The following ZBTB41 variants were observed in gnomAD, a reference collection of about 807,000 sequenced individuals.
ZBTB41 encodes the protein zinc finger and BTB domain-containing protein 41.
In ZBTB41, 42 loss-of-function variants were observed where a neutral mutation model predicts 87.6. The observed-to-expected ratio is 0.48, with a 90% CI of 0.37 to 0.62. ZBTB41 has a LOEUF of 0.62. ZBTB41 is among the 20% of genes least tolerant of loss of function. The pLI is 0.00. For missense variants in ZBTB41, 799 were observed against 1,078.9 expected (o/e 0.74, Z 3.63); for synonymous variants, 364 against 364.0 (o/e 1.00, Z 0.00).
chr1:197,197,613 A>T lies in ZBTB41; in HGVS notation c.1120+1741T>A, dbSNP rs147455338. Reference sequence around the variant, plus strand: ...GGAGGGAGGAAGGAAGGAAGGAAGGAGCAAAATGTCCTCCTCTTAGTAAAT... The same window carrying T: ...GGAGGGAGGAAGGAAGGAAGGAAGGTGCAAAATGTCCTCCTCTTAGTAAAT... On this transcript the variant is annotated intron_variant, in intron 2 of 10. Transcript: ENST00000367405. Among the ~76,000 whole-genome samples, 927 of 122,126 alleles carry T rather than the reference A, an allele frequency of 7.6e-3. 14 individuals are homozygous for T. The highest frequency in any genetic ancestry group is 0.026 in the African/African-American group (897 of 34,792). 80.1% of individuals were successfully genotyped at this position (122,126 alleles called of 152,430 possible). A position where few individuals can be genotyped will look rare whatever the true frequency, so the allele number is the denominator to read the frequency against.
rs776158932 is a variant in ZBTB41, at chr1:197,178,527, A to G, written c.1677-15T>C. On this transcript the variant is annotated splice_polypyrimidine_tract_variant and intron_variant, in intron 6 of 10. Transcript: ENST00000367405. ...TCAAAGTAGTTCTGCATTAAAATAT[A>G]TAGATTCGAGATTTTTTAAATGCCT... 2.5e-6 allele frequency: 4 copies of G among 1,579,538 alleles called. No individual in the cohort carries two copies. Among genetic ancestry groups the G allele is most frequent in the Non-Finnish European group, 3.4e-6 (4 of 1,161,978 alleles).
intron 10 of ZBTB41, among the ~76,000 whole-genome samples, chr1:197,165,385 G>A (rs989284277): frequency 3.9e-5 from 6 of 151,902 alleles, no homozygotes; most frequent in Admixed American, 1.3e-4. Flanking sequence ...CGAGGCGGGC[G>A]GATCACGAGG....
chr1:197,185,583 A>G (rs1056320358), intron 5 of ZBTB41, among the ~76,000 whole-genome samples: 1 of 151,506 alleles, frequency 6.6e-6, no homozygotes, highest in Non-Finnish European at 1.5e-5. Flanking sequence ...CCACTGGCAC[A>G]TTTGTCACCA....
rs1252424332 is a variant in ZBTB41 at position 197,158,888 on chromosome 1, T to C, written c.*471A>G. The C allele has an allele frequency of 1.3e-5, 2 of 153,120 alleles. No homozygotes were observed. The highest frequency in any genetic ancestry group is 4.8e-5 in the African/African-American group (2 of 41,428). 9.5% of individuals were successfully genotyped at this position (153,120 alleles called of 1,614,324 possible). A position where few individuals can be genotyped will look rare whatever the true frequency, so the allele number is the denominator to read the frequency against. ...AAATTCCTAATTTCAATTTTAAAAA[T>C]TTGTATAACGTAATATTGAATCTTA... On this transcript the variant is annotated 3_prime_UTR_variant, in exon 11 of 11. Transcript: ENST00000367405.
chr1:197,187,552 A>G (rs563674253), intron 5 of ZBTB41, among the ~76,000 whole-genome samples: 1 of 152,268 alleles, frequency 6.6e-6, no homozygotes, highest in Non-Finnish European at 1.5e-5. Flanking sequence ...CTGTTATACT[A>G]TATTTTAAAA....
chr1:197,167,009 C>T (rs1296239534), intron 10 of ZBTB41, among the ~76,000 whole-genome samples: 1 of 152,150 alleles, frequency 6.6e-6, no homozygotes, highest in Non-Finnish European at 1.5e-5. Context: ...TTTCCCAAAT[C>T]ATCTTTTGAG....
rs1000582973 is a variant in ZBTB41 at position 197,157,393 on chromosome 1, T to C, written c.*1966A>G. ...ACATTAGCTTATATGTAAGGCAGGC[T>C]ACATTTTTATGTATGATTTCTTTCA... On this transcript the variant is annotated 3_prime_UTR_variant, in exon 11 of 11. Transcript: ENST00000367405. 6 of 151,740 alleles carry C rather than the reference T, an allele frequency of 4.0e-5. No homozygotes were observed. Among genetic ancestry groups the C allele is most frequent in the Admixed American group, 6.6e-5 (1 of 15,228 alleles). The allele number at this position is 151,740 out of a possible 1,614,324, so 9.4% of individuals were successfully genotyped here. A position where few individuals can be genotyped will look rare whatever the true frequency, so the allele number is the denominator to read the frequency against.
At position 197,154,830 on chromosome 1, in the gene ZBTB41, T is replaced by A. The variant is rs1260165608; in HGVS notation, c.*4529A>T. On this transcript the variant is annotated 3_prime_UTR_variant, in exon 11 of 11. Coordinates refer to ENST00000367405, the MANE Select transcript of ZBTB41 (RefSeq NM_194314.3). The stretch of plus-strand genomic sequence containing the variant: ...CTCTAACAGCAAGTAGCATTTACTA[T>A]AACACTACTTAAAGTTTTAGAAATG... 1.3e-5 allele frequency: 2 copies of A among 152,530 alleles called. No individual in the cohort carries two copies. The highest frequency in any genetic ancestry group is 4.8e-5 in the African/African-American group (2 of 41,454). 9.4% of individuals were successfully genotyped at this position (152,530 alleles called of 1,614,324 possible).
Position 197,172,256 on chromosome 1 carries a change from A to C in ZBTB41, c.1986-8T>G, listed in dbSNP as rs746360703. Reference sequence around the variant, plus strand: ...TGAAATGTTGCTTTATATCTAAGAAAATAAAAAGATTTGAGTTTTTCAATA... The same window carrying C: ...TGAAATGTTGCTTTATATCTAAGAACATAAAAAGATTTGAGTTTTTCAATA... On this transcript the variant is annotated splice_region_variant and splice_polypyrimidine_tract_variant and intron_variant, in intron 9 of 10. Coordinates refer to ENST00000367405, the MANE Select transcript of ZBTB41 (RefSeq NM_194314.3). The C allele has an allele frequency of 1.7e-6, 2 of 1,151,176 alleles. No homozygotes were observed. Among genetic ancestry groups the C allele is most frequent in the Non-Finnish European group, 2.3e-6 (2 of 862,804 alleles). 71.3% of individuals were successfully genotyped at this position (1,151,176 alleles called of 1,614,324 possible).
chr1:197,166,704 G>A (rs944296795), intron 10 of ZBTB41, among the ~76,000 whole-genome samples: 7 of 151,866 alleles, frequency 4.6e-5, no homozygotes, highest in Non-Finnish European at 2.9e-5. Context: ...AAAATTAGCC[G>A]GGTGTGGAGG....
rs1270953133 is a variant in ZBTB41, at chr1:197,200,392, C to A, written c.82G>T (p.Ala28Ser). The A allele has an allele frequency of 6.2e-7, 1 of 1,613,728 alleles. No homozygotes were observed. The highest frequency in any genetic ancestry group is 1.1e-5 in the South Asian group (1 of 90,914). The change falls in exon 2 of 11, where the codon GCA (alanine) becomes TCA (serine). Residue 28 changes from alanine (A) to serine (S), a missense_variant. Physicochemically the swap from Ala to Ser is moderately conservative, Grantham distance 99 (BLOSUM62 1). Coordinates refer to ENST00000367405, the MANE Select transcript of ZBTB41 (RefSeq NM_194314.3). ...TAGGTCACTTGGTCACACTCCACTG[C>A]AACATTTCCTTCTGAAGAATCTTTA... is the stretch of plus-strand genomic sequence containing the variant. ...YHKDSSEGNV[A>S]VECDQVTYTH...
At chr1:197,162,660 C>T (rs56387334) in intron 10 of ZBTB41, among the ~76,000 whole-genome samples, 1 of 151,874 alleles carries the variant, frequency 6.6e-6, no homozygotes, top group African/African-American at 2.4e-5. Context: ...AAAAAATAAC[C>T]CCCACACCCA....
chr1:197,200,002 C>T lies in ZBTB41; in HGVS notation c.472G>A (p.Val158Ile). The T allele has an allele frequency of 6.2e-7, 1 of 1,613,180 alleles. No individual in the cohort carries two copies. The highest frequency in any genetic ancestry group is 8.5e-7 in the Non-Finnish European group (1 of 1,179,850). ...TCCAAAAATTTTGCAGCCTCTAAAACAAGAGGTATTTCATATTTGTACACA... is the reference window on the plus strand; with the variant it reads ...TCCAAAAATTTTGCAGCCTCTAAAATAAGAGGTATTTCATATTTGTACACA... ...FFVYKYEIPLVLEAAKFLDII... is the reference protein window; with the variant it reads ...FFVYKYEIPLILEAAKFLDII... Residue 158 changes from valine to isoleucine, a missense_variant, in exon 2 of 11, where the codon GTT becomes ATT. Coordinates refer to ENST00000367405, the MANE Select transcript of ZBTB41 (RefSeq NM_194314.3).
At position 197,156,204 on chromosome 1, in the gene ZBTB41, C is replaced by CT. The variant is rs532789071; in HGVS notation, c.*3154dup. ...TCAATCTCAGTATTCAAACTAACAA[C>CT]TTTTTTTTTTTAAAAAAATCCATTA... On this transcript the variant is annotated 3_prime_UTR_variant, in exon 11 of 11. Transcript: ENST00000367405. 5.3e-3 allele frequency: 705 copies of CT among 133,484 alleles called. 7 individuals are homozygous for CT. Among genetic ancestry groups the CT allele is most frequent in the South Asian group, 0.024 (102 of 4,272 alleles). 8.3% of individuals were successfully genotyped at this position (133,484 alleles called of 1,614,324 possible). A position where few individuals can be genotyped will look rare whatever the true frequency, so the allele number is the denominator to read the frequency against.
Position 197,200,573 on chromosome 1 carries a change from G to A in ZBTB41, c.-100C>T. On this transcript the variant is annotated 5_prime_UTR_variant, in exon 2 of 11. Coordinates refer to ENST00000367405, the MANE Select transcript of ZBTB41 (RefSeq NM_194314.3). ...TGGATAACAGCTTCTGAAGGGGCGT[G>A]CCCAAGGGTTTCATGGTCTGCAAAA... is the stretch of plus-strand genomic sequence containing the variant. 8.1e-7 allele frequency: 1 copy of A among 1,228,386 alleles called. No individual in the cohort carries two copies. Among genetic ancestry groups the A allele is most frequent in the Non-Finnish European group, 1.1e-6 (1 of 903,444 alleles). 76.1% of individuals were successfully genotyped at this position (1,228,386 alleles called of 1,614,324 possible).
At chr1:197,173,304 T>C (rs1440320088) in intron 9 of ZBTB41, among the ~76,000 whole-genome samples, 3 of 152,162 alleles carry the variant, frequency 2.0e-5, no homozygotes, top group Admixed American at 6.6e-5. Flanking sequence ...CCTAGGATTT[T>C]AAATGTCCCT....
intron 10 of ZBTB41, among the ~76,000 whole-genome samples, chr1:197,166,712 A>T (rs145923549): frequency 0.014 from 2,085 of 150,414 alleles, 43 homozygotes; most frequent in African/African-American, 0.048. Context: ...CCGGGTGTGG[A>T]GGCTGGTGCC....
Position 197,156,091 on chromosome 1 carries a change from A to G in ZBTB41, c.*3268T>C, listed in dbSNP as rs1202982190. The G allele has an allele frequency of 1.3e-5, 2 of 152,278 alleles. No homozygotes were observed. The highest frequency in any genetic ancestry group is 3.0e-5 in the Non-Finnish European group (2 of 67,786). 9.4% of individuals were successfully genotyped at this position (152,278 alleles called of 1,614,324 possible). The stretch of plus-strand genomic sequence containing the variant: ...TTGTATTAATTAAACTAAGGAAAAC[A>G]GTATTCTCACTTATAATTGGTTTGT... On this transcript the variant is annotated 3_prime_UTR_variant, in exon 11 of 11. Transcript: ENST00000367405.
chr1:197,199,293 C>T (rs1660239091), intron 2 of ZBTB41, 61 bp downstream of exon 2: 2 of 1,426,232 alleles, frequency 1.4e-6, no homozygotes, highest in Non-Finnish European at 1.8e-6. Context: ...TTATTTATCA[C>T]CTTTAAAATA....
Sources: gnomAD v4.1 joint callset for allele counts (sites outside exome capture counted in the v4.1 genomes callset) on GRCh38, gnomAD v4.1.1 for gene constraint, MANE v1.5 for transcripts, NCBI Gene and HGNC (gene_info 2026-07-23, HGNC 2026-07-21) for gene names.